The following TMOD1 variants were observed in gnomAD, a reference collection of about 807,000 sequenced individuals.
TMOD1 encodes the protein tropomodulin-1.
A neutral mutation model predicts 40.6 loss-of-function variants in TMOD1; 17 were observed. The ratio of observed to expected loss-of-function variants is 0.42; its 90% CI spans 0.29 to 0.63. The LOEUF (loss-of-function observed/expected upper bound fraction) is 0.63, where lower values mean the gene tolerates loss of function less well. Among genes scored for constraint, TMOD1 ranks in the 20% least tolerant of loss-of-function variants. TMOD1 has a pLI of 0.22. For synonymous variants in TMOD1, 181 were observed against 175.0 expected, an observed-to-expected ratio of 1.03 and a Z score of -0.27; for missense variants, 391 against 447.6, an observed-to-expected ratio of 0.87 and a Z score of 1.14.
rs1830557039 is a variant in TMOD1, at chr9:97,557,695, AG to A, written c.397+4296del. ...ATCTTCCAGCCATCTGCCCAGAGCC[AG>A]CCCGAGCAGCTGGCAGCAGGAGGAG... On this transcript the variant is annotated intron_variant, in intron 4 of 9. Coordinates refer to ENST00000259365, the MANE Select transcript of TMOD1 (RefSeq NM_003275.4). The surrounding 1 kb of genome is among the most constrained non-coding windows in gnomAD (Gnocchi z 4.4). Among the ~76,000 whole-genome samples, 1 of 152,194 alleles carries A rather than the reference AG, an allele frequency of 6.6e-6. No individual in the cohort carries two copies. Among genetic ancestry groups the A allele is most frequent in the Admixed American group, 6.5e-5 (1 of 15,282 alleles).
At chr9:97,509,512 G>GTTT (rs1336296792) in intron 1 of TMOD1, among the ~76,000 whole-genome samples, 11 of 106,120 alleles carry the variant, frequency 1.0e-4, no homozygotes, top group East Asian at 2.7e-4. Flanking sequence ...TTTTTTTTTT[G>GTTT]TTTTTTGTTT....
At chr9:97,578,948 G>T (rs2131279859) in intron 8 of TMOD1, among the ~76,000 whole-genome samples, 1 of 152,286 alleles carries the variant, frequency 6.6e-6, no homozygotes, top group South Asian at 2.1e-4. Flanking sequence ...GGGTGGAGGA[G>T]CTGCCAGTTC....
intron 3 of TMOD1, among the ~76,000 whole-genome samples, chr9:97,549,263 C>T (rs1196798445): frequency 1.3e-5 from 2 of 152,160 alleles, no homozygotes; most frequent in Admixed American, 1.3e-4. Context: ...ACAACCCTTT[C>T]CAGCTTTTCA....
intron 3 of TMOD1, among the ~76,000 whole-genome samples, chr9:97,548,069 T>C (rs982505907): frequency 2.6e-5 from 4 of 152,234 alleles, no homozygotes; most frequent in South Asian, 2.1e-4. Flanking sequence ...CCGTAGCACA[T>C]AGAAGGCACC....
Position 97,600,950 on chromosome 9 carries a change from T to A in TMOD1, c.*1252T>A, listed in dbSNP as rs1184511638. ...TTTTGGGAGTTATTTTCATTAGTGA[T>A]TTCAGCAAATCTCATGATAAAGGAC... On this transcript the variant is annotated 3_prime_UTR_variant, in exon 10 of 10. Transcript: ENST00000259365. 8.8e-7 allele frequency: 1 copy of A among 1,133,834 alleles called. No homozygotes were observed. Among genetic ancestry groups the A allele is most frequent in the Admixed American group, 4.6e-5 (1 of 21,596 alleles). The allele number at this position is 1,133,834 out of a possible 1,614,324, so 70.2% of individuals were successfully genotyped here.
chr9:97,601,670 A>G lies in TMOD1; in HGVS notation c.*1972A>G, dbSNP rs1312288241. On this transcript the variant is annotated 3_prime_UTR_variant, in exon 10 of 10. Transcript: ENST00000259365. ...AGGCCACATAGTGTCTGTTGCAACT[A>G]TTCAACTCTGCCATAGATCATGTGT... is the stretch of plus-strand genomic sequence containing the variant. 11 of 703,090 alleles carry G rather than the reference A, an allele frequency of 1.6e-5. No homozygotes were observed. The highest frequency in any genetic ancestry group is 1.9e-5 in the Non-Finnish European group (11 of 571,586). The allele number at this position is 703,090 out of a possible 1,614,324, so 43.6% of individuals were successfully genotyped here.
chr9:97,560,338 G>C (rs1830618051), intron 4 of TMOD1, among the ~76,000 whole-genome samples: 1 of 152,094 alleles, frequency 6.6e-6, no homozygotes, highest in Non-Finnish European at 1.5e-5. Flanking sequence ...GAGGAATCCA[G>C]GAAGACTCCC....
At chr9:97,518,282 GA>G (rs55650955) in intron 1 of TMOD1, among the ~76,000 whole-genome samples, 25,741 of 152,126 alleles carry the variant, frequency 0.17, 2,243 homozygotes, top group Middle Eastern at 0.21. Flanking sequence ...ACACTGCGAA[GA>G]AAAAAACAGG....
intron 8 of TMOD1, among the ~76,000 whole-genome samples, chr9:97,580,266 C>CT (rs1825717995): frequency 6.6e-6 from 1 of 152,038 alleles, no homozygotes. Context: ...TATTATTAAA[C>CT]TTTTAAAATT....
At chr9:97,563,910 CAG>C (rs2131265894) in intron 5 of TMOD1, 126 bp from the exon 6 acceptor site, 12 of 1,255,510 alleles carry the variant, frequency 9.6e-6, no homozygotes, top group Non-Finnish European at 1.2e-5. Context: ...TACCCCCACC[CAG>C]CCCCTGTGAT....
chr9:97,600,150 A>C lies in TMOD1; in HGVS notation c.*452A>C. On this transcript the variant is annotated 3_prime_UTR_variant, in exon 10 of 10. Transcript: ENST00000259365. ...CTATTAGCAAATAAAACTGATTATC[A>C]TTCTTTATTAACCCTCCTTGGAATT... 1.0e-6 allele frequency: 1 copy of C among 1,001,550 alleles called. No homozygotes were observed. The highest frequency in any genetic ancestry group is 1.2e-6 in the Non-Finnish European group (1 of 837,916). 62.0% of individuals were successfully genotyped at this position (1,001,550 alleles called of 1,614,324 possible).
At chr9:97,559,367 CA>C (rs2131260884) in intron 4 of TMOD1, among the ~76,000 whole-genome samples, 1 of 152,078 alleles carries the variant, frequency 6.6e-6, no homozygotes, top group Non-Finnish European at 1.5e-5. Context: ...CTAATTTTAG[CA>C]GAGAAGAATC....
At chr9:97,580,821 C>A (rs1415087423) in intron 8 of TMOD1, among the ~76,000 whole-genome samples, 1 of 152,056 alleles carries the variant, frequency 6.6e-6, no homozygotes, top group Non-Finnish European at 1.5e-5. Flanking sequence ...CTTCCTTCTG[C>A]CTCCTTAACC....
At chr9:97,517,536 G>T (rs1186380278) in intron 1 of TMOD1, among the ~76,000 whole-genome samples, 1 of 152,108 alleles carries the variant, frequency 6.6e-6, no homozygotes, top group Non-Finnish European at 1.5e-5. Context: ...GGCATGTGGG[G>T]CCTGAGGACT....
chr9:97,576,668 C>T (rs1452482276), intron 8 of TMOD1, among the ~76,000 whole-genome samples: 9 of 149,750 alleles, frequency 6.0e-5, no homozygotes, highest in Admixed American at 4.0e-4. Flanking sequence ...GAGTCTTGCT[C>T]TGTTGCCCAG....
chr9:97,571,327 T>C (rs1352618305), intron 8 of TMOD1, among the ~76,000 whole-genome samples: 2 of 152,242 alleles, frequency 1.3e-5, no homozygotes, highest in African/African-American at 4.8e-5. Context: ...GAGCCCATGC[T>C]AACCATTGCC....
intron 2 of TMOD1, among the ~76,000 whole-genome samples, chr9:97,539,986 A>AAAAAG (rs1563984514): frequency 2.6e-5 from 4 of 151,328 alleles, no homozygotes; most frequent in African/African-American, 9.7e-5. Flanking sequence ...AAAAAAAAAA[A>AAAAAG]AAAAGAAAAG....
At chr9:97,546,561 C>A (rs1474628036) in intron 3 of TMOD1, among the ~76,000 whole-genome samples, 1 of 152,156 alleles carries the variant, frequency 6.6e-6, no homozygotes, top group Non-Finnish European at 1.5e-5. Context: ...AGACTCCTAT[C>A]CACTCAAATC....
chr9:97,523,273 C>G (rs957406465), intron 1 of TMOD1, among the ~76,000 whole-genome samples: 8 of 152,146 alleles, frequency 5.3e-5, no homozygotes, highest in Admixed American at 1.3e-4. Context: ...GGGAAATGAA[C>G]AGTAGGCTTC....
Sources: allele counts gnomAD v4.1 joint callset (sites outside exome capture counted in the v4.1 genomes callset), GRCh38; gene constraint gnomAD v4.1.1; non-coding constraint Gnocchi (gnomAD v3.1); transcripts MANE v1.5; gene names NCBI Gene and HGNC (gene_info 2026-07-23, HGNC 2026-07-21).